The following MTUS2 variants were observed in gnomAD, a reference collection of about 807,000 sequenced individuals.
MTUS2 encodes the protein microtubule-associated tumor suppressor candidate 2.
A neutral mutation model predicts 114.1 loss-of-function variants in MTUS2; 40 were observed. The ratio of observed to expected loss-of-function variants is 0.35; its 90% CI spans 0.27 to 0.46. The LOEUF is 0.46. Ranked by LOEUF, MTUS2 falls within the 20% of genes least tolerant of loss-of-function variation. MTUS2 has a pLI of 1.00. For missense variants in MTUS2, 1,679 were observed against 1,705.4 expected (o/e 0.98, Z 0.27); for synonymous variants, 688 against 672.0 (o/e 1.02, Z -0.37).
chr13:28,955,341 T>A (rs1883009932), intron 2 of MTUS2, among the ~76,000 whole-genome samples: 1 of 152,250 alleles, frequency 6.6e-6, no homozygotes, highest in Non-Finnish European at 1.5e-5. Flanking sequence ...TTTATAAGTA[T>A]CTAGAGGCAG....
At chr13:28,847,239 T>A (rs1427591160) in intron 2 of MTUS2, among the ~76,000 whole-genome samples, 10 of 152,166 alleles carry the variant, frequency 6.6e-5, no homozygotes, top group Non-Finnish European at 1.5e-4. Flanking sequence ...TTTCTGACAA[T>A]AAAGTCAATA....
intron 2 of MTUS2, among the ~76,000 whole-genome samples, chr13:28,871,299 G>A (rs1208017848): frequency 2.0e-5 from 3 of 152,102 alleles, no homozygotes; most frequent in Admixed American, 6.6e-5. Flanking sequence ...TATGTAAGTG[G>A]GAGGGGAAAG....
At chr13:29,242,107 T>C (rs938184738) in intron 5 of MTUS2, among the ~76,000 whole-genome samples, 2 of 152,222 alleles carry the variant, frequency 1.3e-5, no homozygotes, top group Admixed American at 6.5e-5. Flanking sequence ...ATTTTACATA[T>C]CATAAAATTC....
chr13:29,389,621 A>G lies in MTUS2; in HGVS notation c.3117+30148A>G, dbSNP rs1266660661. On this transcript the variant is annotated intron_variant, in intron 8 of 15. Coordinates refer to ENST00000612955, the MANE Select transcript of MTUS2 (RefSeq NM_001033602.4). Reference sequence around the variant, plus strand: ...TGTGTATACGTATACATATGTGTGTATATATGTATACACATATGTGTATGT... The same window carrying G: ...TGTGTATACGTATACATATGTGTGTGTATATGTATACACATATGTGTATGT... Among the ~76,000 whole-genome samples the G allele has an allele frequency of 4.2e-5, 2 of 47,712 alleles. 1 individual carries two copies. Among genetic ancestry groups the G allele is most frequent in the East Asian group, 1.1e-3 (2 of 1,774 alleles). 31.3% of individuals were successfully genotyped at this position (47,712 alleles called of 152,430 possible).
intron 7 of MTUS2, among the ~76,000 whole-genome samples, chr13:29,353,224 C>G (rs1334019728): frequency 1.3e-5 from 2 of 152,130 alleles, no homozygotes; most frequent in African/African-American, 4.8e-5. Flanking sequence ...ACCATCACTT[C>G]AGTGGCAAGA....
At chr13:29,297,776 A>G (rs1899013302) in intron 6 of MTUS2, among the ~76,000 whole-genome samples, 1 of 152,154 alleles carries the variant, frequency 6.6e-6, no homozygotes, top group Admixed American at 6.5e-5. Flanking sequence ...CCACTCCTAT[A>G]ATATTGATTT....
intron 8 of MTUS2, among the ~76,000 whole-genome samples, chr13:29,381,867 T>C (rs1197572873): frequency 1.3e-5 from 2 of 152,038 alleles, no homozygotes; most frequent in African/African-American, 2.4e-5. Flanking sequence ...ATGAGTAAAG[T>C]GAGAATATAA....
At chr13:29,370,984 G>T (rs1024775976) in intron 8 of MTUS2, among the ~76,000 whole-genome samples, 1 of 152,280 alleles carries the variant, frequency 6.6e-6, no homozygotes, top group African/African-American at 2.4e-5. Flanking sequence ...TAAGAAACAT[G>T]AAGGTAACTA....
intron 4 of MTUS2, among the ~76,000 whole-genome samples, chr13:29,077,856 T>C (rs1406431504): frequency 1.3e-5 from 2 of 152,210 alleles, no homozygotes; most frequent in Non-Finnish European, 2.9e-5. Context: ...CTTAAAACGC[T>C]ATGATTTTAG....
chr13:29,269,427 G>A (rs1228296216), intron 5 of MTUS2, among the ~76,000 whole-genome samples: 2 of 152,124 alleles, frequency 1.3e-5, no homozygotes, highest in Non-Finnish European at 2.9e-5. Context: ...AGGAAATCAT[G>A]GGAAGAAATA....
chr13:29,074,507 T>C (rs1251647453), intron 4 of MTUS2, among the ~76,000 whole-genome samples: 1 of 152,232 alleles, frequency 6.6e-6, no homozygotes, highest in East Asian at 1.9e-4. Context: ...CGGTGTACAT[T>C]CAATGATTAT....
At chr13:29,396,298 A>G (rs1284281299) in intron 8 of MTUS2, among the ~76,000 whole-genome samples, 1 of 152,094 alleles carries the variant, frequency 6.6e-6, no homozygotes, top group East Asian at 1.9e-4. Flanking sequence ...CCTTGTATGT[A>G]TTTTTTCAGT....
chr13:29,101,000 T>C, intron 5 of MTUS2, 30 bp downstream of exon 5: 1 of 1,506,700 alleles, frequency 6.6e-7, no homozygotes, highest in Non-Finnish European at 8.9e-7. Flanking sequence ...GTGGGGTGCC[T>C]TCACTGAATT....
At chr13:29,234,015 G>A (rs894937074) in intron 5 of MTUS2, among the ~76,000 whole-genome samples, 5 of 152,260 alleles carry the variant, frequency 3.3e-5, no homozygotes, top group African/African-American at 7.2e-5. Flanking sequence ...GGGAAAATCA[G>A]CAGTTATTCA....
At chr13:29,018,082 G>T (rs1309539106) in intron 2 of MTUS2, among the ~76,000 whole-genome samples, 1 of 152,166 alleles carries the variant, frequency 6.6e-6, no homozygotes, top group Non-Finnish European at 1.5e-5. Flanking sequence ...GGAGAGGAGA[G>T]AATTTACGAA....
intron 10 of MTUS2, 117 bp from the exon 11 acceptor site, chr13:29,487,783 C>T: frequency 6.1e-6 from 5 of 814,406 alleles, no homozygotes; most frequent in Non-Finnish European, 8.3e-6. Flanking sequence ...CCTGCTTCGG[C>T]ACAAGGCTGT....
rs755396925 is a variant in MTUS2, at chr13:29,497,343, T to G, written c.3678+7T>G. On this transcript the variant is annotated splice_region_variant and intron_variant, in intron 13 of 15. Coordinates refer to ENST00000612955, the MANE Select transcript of MTUS2 (RefSeq NM_001033602.4). Reference sequence around the variant, plus strand: ...CACAGAGGAGCAGCTGGAGGTCGTTTCTGGATTCCAGGCTTCCAGCCCCGC... The same window carrying G: ...CACAGAGGAGCAGCTGGAGGTCGTTGCTGGATTCCAGGCTTCCAGCCCCGC... 1.7e-5 allele frequency: 27 copies of G among 1,608,160 alleles called. No individual in the cohort carries two copies. In the African/African-American group the frequency reaches 3.2e-4, roughly 19 times the overall value.
At chr13:29,419,042 T>C (rs1875884407) in intron 8 of MTUS2, among the ~76,000 whole-genome samples, 1 of 152,208 alleles carries the variant, frequency 6.6e-6, no homozygotes, top group Non-Finnish European at 1.5e-5. Flanking sequence ...GATCAGTAAA[T>C]TCAGCCTGAC....
At position 29,100,763 on chromosome 13, in the gene MTUS2, T is replaced by C. The variant is rs1890377567; in HGVS notation, c.2447-10T>C. On this transcript the variant is annotated splice_polypyrimidine_tract_variant and intron_variant, in intron 4 of 15. Coordinates refer to ENST00000612955, the MANE Select transcript of MTUS2 (RefSeq NM_001033602.4). ...GAATAATTTTTTAATTTTATTTGGGTTCGTTTTAGCAGATTTAAAGAAAGC... is the reference window on the plus strand; with the variant it reads ...GAATAATTTTTTAATTTTATTTGGGCTCGTTTTAGCAGATTTAAAGAAAGC... 2.6e-6 allele frequency: 4 copies of C among 1,549,568 alleles called. No individual in the cohort carries two copies. The highest frequency in any genetic ancestry group is 1.4e-5 in the African/African-American group (1 of 72,800).
Sources: gnomAD v4.1 joint callset for allele counts (sites outside exome capture counted in the v4.1 genomes callset) on GRCh38, gnomAD v4.1.1 for gene constraint, MANE v1.5 for transcripts, NCBI Gene and HGNC (gene_info 2026-07-23, HGNC 2026-07-21) for gene names.